FBN3: variants seen among roughly 807,000 people sequenced by gnomAD.
FBN3 encodes fibrillin 3.
A neutral mutation model predicts 330.1 loss-of-function variants in FBN3; 234 were observed. The ratio of observed to expected loss-of-function variants is 0.71; its 90% confidence interval spans 0.64 to 0.79. The LOEUF (loss-of-function observed/expected upper bound fraction) is 0.79, where lower values mean the gene tolerates loss of function less well. Ranked by LOEUF, FBN3 falls within the 30% of genes least tolerant of loss-of-function variation. FBN3 has a pLI of 0.00. For synonymous variants in FBN3, 1,458 were observed against 1,517.3 expected (o/e 0.96, Z 0.91); for missense variants, 3,606 against 3,886.9 (o/e 0.93, Z 1.92).
intron 55 of FBN3, 27 bp downstream of exon 55, chr19:8,086,173 C>A (rs1304281001): frequency 6.8e-7 from 1 of 1,479,600 alleles, no homozygotes; most frequent in Non-Finnish European, 9.2e-7. Context: ...GTGGTTGCAA[C>A]CACTGTGCGT....
At chr19:8,073,694 T>C (rs181918490) in intron 61 of FBN3, among the ~76,000 whole-genome samples, 2 of 152,316 alleles carry the variant, frequency 1.3e-5, no homozygotes, top group African/African-American at 4.8e-5. Flanking sequence ...AATTGTCTGT[T>C]TGGAGTTGGG....
chr19:8,099,142 A>G (rs1312056743), intron 41 of FBN3, among the ~76,000 whole-genome samples: 1 of 152,084 alleles, frequency 6.6e-6, no homozygotes, highest in Admixed American at 6.6e-5. Context: ...TGGGGGACCT[A>G]TTATGTAATG....
At chr19:8,135,935 T>TTGGGGGGC in intron 13 of FBN3, 26 bp downstream of exon 13, 1 of 1,344,156 alleles carries the variant, frequency 7.4e-7, no homozygotes, top group Non-Finnish European at 1.0e-6. Flanking sequence ...CGGAAGCCCC[T>TTGGGGGGC]GCCCACCCGC....
Position 8,111,638 on chromosome 19 carries a change from C to CAAAA in FBN3, c.4084+9_4084+10insTTTT. On this transcript the variant is annotated intron_variant, in intron 32 of 63. Transcript: ENST00000600128. ...CTAGGGCCCCTGCCCTCCCACCCCT[C>CAAAA]TAATCTCACCTTCGCAGAAGAAGCC... 1.9e-6 allele frequency: 3 copies of CAAAA among 1,594,938 alleles called. No individual in the cohort carries two copies. The highest frequency in any genetic ancestry group is 1.7e-6 in the Non-Finnish European group (2 of 1,167,414).
At position 8,109,621 on chromosome 19, in the gene FBN3, A is replaced by C. The variant is rs761268299; in HGVS notation, c.4456+10T>G. On this transcript the variant is annotated intron_variant, in intron 35 of 63. Transcript: ENST00000600128. The surrounding 1 kb of genome is among the most constrained non-coding windows in gnomAD (Gnocchi z 5.2). ...CCAGAACCCTGATCTGGAGTTGAGCATGGACTCACCCACGCAGCCCACTCC... is the reference window on the plus strand; with the variant it reads ...CCAGAACCCTGATCTGGAGTTGAGCCTGGACTCACCCACGCAGCCCACTCC... 6.3e-7 allele frequency: 1 copy of C among 1,592,104 alleles called. No individual in the cohort carries two copies. Among genetic ancestry groups the C allele is most frequent in the Non-Finnish European group, 8.6e-7 (1 of 1,168,588 alleles).
chr19:8,145,467 T>C (rs1277396380), intron 5 of FBN3, among the ~76,000 whole-genome samples: 1 of 147,996 alleles, frequency 6.8e-6, no homozygotes, highest in African/African-American at 2.5e-5. Flanking sequence ...GATCACGAGG[T>C]CAGGAGATCA....
At position 8,109,403 on chromosome 19, in the gene FBN3, G is replaced by A. The variant is rs369898162; in HGVS notation, c.4457-15C>T. The A allele has an allele frequency of 3.1e-6, 5 of 1,614,098 alleles. No homozygotes were observed. Among genetic ancestry groups the A allele is most frequent in the Non-Finnish European group, 2.5e-6 (3 of 1,179,944 alleles). On this transcript the variant is annotated splice_polypyrimidine_tract_variant and intron_variant, in intron 35 of 63. Transcript: ENST00000600128. This position sits in a 1 kb window ranked among gnomAD's most constrained non-coding sequence, Gnocchi z 5.2. Reference sequence around the variant, plus strand: ...GGCCCGAGTGTCTGAACAGGCAGAAGGGGATGGTTAGTAGGTGTCAGAGGG... The same window carrying A: ...GGCCCGAGTGTCTGAACAGGCAGAAAGGGATGGTTAGTAGGTGTCAGAGGG...
chr19:8,144,841 T>G lies in FBN3; in HGVS notation c.541+36A>C, dbSNP rs769477620. The G allele has an allele frequency of 2.0e-6, 3 of 1,518,162 alleles. No homozygotes were observed. In the African/African-American group the frequency reaches 4.1e-5, roughly 21 times the overall value. 94.0% of individuals were successfully genotyped at this position (1,518,162 alleles called of 1,614,324 possible). On this transcript the variant is annotated intron_variant, in intron 6 of 63. Coordinates refer to ENST00000600128, the MANE Select transcript of FBN3 (RefSeq NM_032447.5). The stretch of plus-strand genomic sequence containing the variant: ...AGGAAACCCCCTTTCCTCCATCGAG[T>G]CCCCTGTCTACCTCCCACCCGCGCA...
intron 14 of FBN3, 97 bp downstream of exon 14, chr19:8,132,887 G>T: frequency 3.3e-5 from 43 of 1,305,360 alleles, no homozygotes; most frequent in Middle Eastern, 2.6e-4. Flanking sequence ...TCTCATGCTC[G>T]TCCCATCCCC....
At chr19:8,091,096 G>A (rs1353001708) in intron 48 of FBN3, among the ~76,000 whole-genome samples, 1 of 152,194 alleles carries the variant, frequency 6.6e-6, no homozygotes, top group East Asian at 1.9e-4. Flanking sequence ...GCTGGCTCAA[G>A]CTGGGTGAGG....
At chr19:8,084,929 C>T (rs1005798080) in intron 56 of FBN3, among the ~76,000 whole-genome samples, 4 of 152,002 alleles carry the variant, frequency 2.6e-5, no homozygotes, top group African/African-American at 9.7e-5. Context: ...CTCTATCACC[C>T]AGGCTGGAGT....
At position 8,096,483 on chromosome 19, in the gene FBN3, G is replaced by A. The variant is rs779512595; in HGVS notation, c.5500C>T (p.Arg1834Cys). The part of the protein sequence containing the change: ...TEGSYMCLCH[R>C]GFQASADQTL... Reference sequence around the variant, plus strand: ...TGGTCTGCAGAGGCCTGGAATCCACGGTGACACAGACACATGTAGCTGCCT... The same window carrying A: ...TGGTCTGCAGAGGCCTGGAATCCACAGTGACACAGACACATGTAGCTGCCT... Residue 1834 changes from arginine (R) to cysteine (C), a missense_variant, in exon 44 of 64, where the codon CGT becomes TGT. Coordinates refer to ENST00000600128, the MANE Select transcript of FBN3 (RefSeq NM_032447.5). This position sits in a 1 kb window ranked among gnomAD's most constrained non-coding sequence, Gnocchi z 4.6. The A allele has an allele frequency of 2.9e-5, 46 of 1,613,826 alleles. No individual in the cohort carries two copies. The highest frequency in any genetic ancestry group is 4.5e-5 in the East Asian group (2 of 44,890).
chr19:8,069,159 C>G (rs2081457995), intron 63 of FBN3, among the ~76,000 whole-genome samples: 1 of 152,152 alleles, frequency 6.6e-6, no homozygotes, highest in Non-Finnish European at 1.5e-5. Context: ...AAGGACCAGA[C>G]AGAAGAGCCG....
At position 8,072,029 on chromosome 19, in the gene FBN3, A is replaced by G. The variant is rs1284971450; in HGVS notation, c.8088+19T>C. The G allele has an allele frequency of 1.2e-6, 2 of 1,605,944 alleles. No individual in the cohort carries two copies. ...ACCCATTCCCTGGCCACCCCTGCCT[A>G]GTGCAGCACCCATGTCACCTGGTGG... On this transcript the variant is annotated intron_variant, in intron 63 of 63. Transcript: ENST00000600128.
chr19:8,106,342 G>A, intron 37 of FBN3, 109 bp from the exon 38 acceptor site: 2 of 1,152,164 alleles, frequency 1.7e-6, no homozygotes, highest in Non-Finnish European at 2.5e-6. Context: ...GGATCCCCAA[G>A]TGCTGTCCAT....
intron 59 of FBN3, among the ~76,000 whole-genome samples, chr19:8,077,427 A>C (rs1167819931): frequency 6.6e-6 from 1 of 150,838 alleles, no homozygotes; most frequent in East Asian, 2.0e-4. Flanking sequence ...TCACCTGAGC[A>C]TGGGAGTTTG....
intron 51 of FBN3, among the ~76,000 whole-genome samples, chr19:8,089,258 T>G (rs2082038577): frequency 2.0e-5 from 3 of 152,024 alleles, no homozygotes; most frequent in Admixed American, 6.6e-5. Flanking sequence ...AGTGAATGAA[T>G]GAGAAAATGA....
In FBN3 at chr19:8,085,595, C is replaced by T. The variant is rs371638662; in HGVS notation, c.6881-26G>A. 8.4e-4 allele frequency: 1,268 copies of T among 1,505,324 alleles called. 25 individuals carry two copies. The South Asian group carries it at 0.015, about 18-fold the overall frequency. 93.2% of individuals were successfully genotyped at this position (1,505,324 alleles called of 1,614,324 possible). On this transcript the variant is annotated intron_variant, in intron 55 of 63. Coordinates refer to ENST00000600128, the MANE Select transcript of FBN3 (RefSeq NM_032447.5). ...CTGCAGAGAACAATGGGAAAGACAA[C>T]GGTCACTCCAGGAGGCTGGTTTGGG...
rs748908583 is a variant in FBN3, at chr19:8,109,069, G to A, written c.4618+158C>T. On this transcript the variant is annotated intron_variant, in intron 36 of 63. Coordinates refer to ENST00000600128, the MANE Select transcript of FBN3 (RefSeq NM_032447.5). This position sits in a 1 kb window ranked among gnomAD's most constrained non-coding sequence, Gnocchi z 5.2. ...GGCCCAGCCAATGAACTACCAAGAC[G>A]TACACTGTGTGACCCAGGATGAGCC... is the stretch of plus-strand genomic sequence containing the variant. Among the ~76,000 whole-genome samples, 8 of 151,376 alleles carry A rather than the reference G, an allele frequency of 5.3e-5. No homozygotes were observed. Among genetic ancestry groups the A allele is most frequent in the Admixed American group, 3.3e-4 (5 of 15,232 alleles).
Sources: allele counts gnomAD v4.1 joint callset (sites outside exome capture counted in the v4.1 genomes callset), GRCh38; gene constraint gnomAD v4.1.1; non-coding constraint Gnocchi (gnomAD v3.1); transcripts MANE v1.5; gene names NCBI Gene and HGNC (gene_info 2026-07-23, HGNC 2026-07-21).